The following MGAM variants were observed in gnomAD, a reference collection of about 807,000 sequenced individuals.
The protein encoded by MGAM is maltase-glucoamylase, also known as alpha-1,4-glucosidase.
Under a neutral mutation model 358.8 loss-of-function variants are expected in MGAM, and 253 were observed. The observed-to-expected ratio is 0.71, with a 90% CI of 0.64 to 0.78. MGAM has a LOEUF of 0.78. MGAM is among the 30% of genes least tolerant of loss of function. The probability of loss-of-function intolerance (pLI) is 0.00; values close to 1 mark genes in which losing one functional copy is unlikely to be tolerated. For missense variants in MGAM, 3,080 were observed against 3,432.6 expected, an observed-to-expected ratio of 0.90 and a Z score of 2.57; for synonymous variants, 1,105 against 1,227.1, an observed-to-expected ratio of 0.90 and a Z score of 2.08.
chr7:142,079,721 C>A lies in MGAM; in HGVS notation c.5847+713C>A, dbSNP rs907280688. Among the ~76,000 whole-genome samples, 3 of 146,356 alleles carry A rather than the reference C, an allele frequency of 2.0e-5. 1 individual carries two copies. Among genetic ancestry groups the A allele is most frequent in the East Asian group, 4.0e-4 (2 of 4,974 alleles). On this transcript the variant is annotated intron_variant, in intron 49 of 70. Transcript: ENST00000475668. ...TTCTGAAGTCTAATACAGAGCCTGG[C>A]AGATAGTTAGTGCTGTAATGTAATT...
intron 68 of MGAM, among the ~76,000 whole-genome samples, chr7:142,101,908 C>CA (rs11452654): frequency 0.52 from 67,253 of 129,750 alleles, 16,148 homozygotes; most frequent in Admixed American, 0.56. Flanking sequence ...AACTCTGTCT[C>CA]AAAAAAAAAA....
rs80061740 is a variant in MGAM at position 141,987,055 on chromosome 7, G to A, written c.-2-18474G>A. Among the ~76,000 whole-genome samples the A allele has an allele frequency of 2.7e-3, 418 of 152,238 alleles. 1 individual carries two copies. Among genetic ancestry groups the A allele is most frequent in the Non-Finnish European group, 5.0e-3 (339 of 68,010 alleles). ...TTTATTTATACTGGACAATGGAGAC[G>A]AAACACGAGCCTGTCATAGCAGGGC... On this transcript the variant is annotated intron_variant, in intron 2 of 5. Coordinates refer to the MGAM transcript ENST00000465654.
At chr7:142,056,714 T>C in intron 29 of MGAM, 116 bp from the exon 30 acceptor site, 1 of 936,964 alleles carries the variant, frequency 1.1e-6, no homozygotes, top group Non-Finnish European at 1.6e-6. Flanking sequence ...AGAAAATGCC[T>C]GCTGTTACTA....
At chr7:142,058,176 G>A (rs1811742203) in intron 30 of MGAM, 27 bp from the exon 31 acceptor site, 1 of 1,613,606 alleles carries the variant, frequency 6.2e-7, no homozygotes, top group Non-Finnish European at 8.5e-7. Context: ...CTGTTCTGAA[G>A]ACTAATATTT....
At chr7:141,987,509 T>A (rs1214252090) in intron 2 of MGAM, among the ~76,000 whole-genome samples, 13 of 152,170 alleles carry the variant, frequency 8.5e-5, no homozygotes, top group African/African-American at 3.1e-4. Flanking sequence ...TCTGTCCAGC[T>A]GGTTCACTCA....
At chr7:142,012,622 A>T (rs1477829613) in intron 3 of MGAM, among the ~76,000 whole-genome samples, 1 of 152,178 alleles carries the variant, frequency 6.6e-6, no homozygotes, top group Non-Finnish European at 1.5e-5. Flanking sequence ...ATCCAAACTT[A>T]GTGGTTTGCA....
At chr7:141,986,907 C>G (rs1289995246) in intron 2 of MGAM, among the ~76,000 whole-genome samples, 1 of 152,068 alleles carries the variant, frequency 6.6e-6, no homozygotes, top group Non-Finnish European at 1.5e-5. Context: ...TTGGGAGGGA[C>G]TTTGTGGAGA....
chr7:142,042,108 T>C lies in MGAM; in HGVS notation c.2498+1262T>C, dbSNP rs180796608. Among the ~76,000 whole-genome samples, 416 of 65,920 alleles carry C rather than the reference T, an allele frequency of 6.3e-3. 49 individuals carry two copies. Among genetic ancestry groups the C allele is most frequent in the African/African-American group, 0.037 (383 of 10,384 alleles). The allele number at this position is 65,920 out of a possible 152,430, so 43.2% of individuals were successfully genotyped here. A position where few individuals can be genotyped will look rare whatever the true frequency, so the allele number is the denominator to read the frequency against. ...TATAACATATAATATATACATATAATATATAATATATAATATATATACATA... is the reference window on the plus strand; with the variant it reads ...TATAACATATAATATATACATATAACATATAATATATAATATATATACATA... On this transcript the variant is annotated intron_variant, in intron 21 of 70. Transcript: ENST00000475668.
intron 45 of MGAM, 138 bp from the exon 46 acceptor site, chr7:142,076,064 TG>T (rs1042983151): frequency 1.4e-6 from 1 of 698,652 alleles, no homozygotes; most frequent in African/African-American, 1.7e-5. Context: ...ATGAATACAA[TG>T]GAATATTATT....
chr7:142,058,350 T>C, intron 31 of MGAM, 22 bp downstream of exon 31: 3 of 1,613,314 alleles, frequency 1.9e-6, no homozygotes, highest in Non-Finnish European at 2.5e-6. Context: ...GTCATGGCTC[T>C]GGAGTTTCAA....
chr7:142,065,669 C>A (rs1336729644), intron 39 of MGAM, 46 bp from the exon 40 acceptor site: 1 of 1,611,396 alleles, frequency 6.2e-7, no homozygotes, highest in Non-Finnish European at 8.5e-7. Flanking sequence ...GTGGGGACAT[C>A]TTTCAGAAAT....
intron 3 of MGAM, 147 bp downstream of exon 3, chr7:142,008,852 CTG>C: frequency 1.2e-6 from 1 of 841,940 alleles, no homozygotes; most frequent in South Asian, 1.8e-5. Flanking sequence ...GCAAATTAAC[CTG>C]TGTCCATGCT....
At chr7:142,057,984 C>A (rs1467251956) in intron 30 of MGAM, among the ~76,000 whole-genome samples, 5 of 152,226 alleles carry the variant, frequency 3.3e-5, no homozygotes, top group South Asian at 4.2e-4. Flanking sequence ...CTAGGAATAG[C>A]GTAACATCAG....
At chr7:142,083,185 T>C (rs1814471141) in intron 52 of MGAM, 116 bp from the exon 53 acceptor site, 3 of 765,396 alleles carry the variant, frequency 3.9e-6, no homozygotes, top group Non-Finnish European at 6.2e-6. Context: ...TAGAAAATAC[T>C]GGCTCTTACT....
intron 66 of MGAM, 61 bp from the exon 67 acceptor site, chr7:142,099,552 G>GCATT (rs1816260257): frequency 6.2e-7 from 1 of 1,611,496 alleles, no homozygotes; most frequent in Non-Finnish European, 8.5e-7. Context: ...CTGGCAGGAT[G>GCATT]CATTGTTCAG....
chr7:142,023,154 G>A (rs782273840), intron 7 of MGAM, among the ~76,000 whole-genome samples: 2 of 151,996 alleles, frequency 1.3e-5, no homozygotes, highest in Non-Finnish European at 2.9e-5. Flanking sequence ...CAACCTCTCT[G>A]GGCTCAGGTA....
chr7:142,056,736 G>T (rs1811587285), intron 29 of MGAM, 94 bp from the exon 30 acceptor site: 2 of 1,193,774 alleles, frequency 1.7e-6, no homozygotes, highest in Admixed American at 4.1e-5. Flanking sequence ...TCTATGATAG[G>T]GAGGGTGCAG....
intron 4 of MGAM, 21 bp from the exon 5 acceptor site, chr7:142,020,953 C>T: frequency 1.9e-6 from 3 of 1,551,074 alleles, no homozygotes; most frequent in Non-Finnish European, 2.7e-6. Flanking sequence ...CTATGAAAAC[C>T]TTTTTTTTCT....
At chr7:142,040,485 T>A (rs1808411140) in intron 20 of MGAM, 1 of 591,466 alleles carries the variant, frequency 1.7e-6, no homozygotes, top group Non-Finnish European at 2.9e-6. Flanking sequence ...TTTAAAACTA[T>A]CAGTTTATAT....
Sources: allele counts gnomAD v4.1 joint callset (sites outside exome capture counted in the v4.1 genomes callset), GRCh38; gene constraint gnomAD v4.1.1; transcripts MANE v1.5; gene names NCBI Gene and HGNC (gene_info 2026-07-23, HGNC 2026-07-21).